The following NME8 variants were observed in gnomAD, a reference collection of about 807,000 sequenced individuals.
The protein encoded by NME8 is protein NME8.
In NME8, 72 loss-of-function variants were observed where a neutral mutation model predicts 82.3. The observed-to-expected ratio is 0.87, with a 90% CI of 0.72 to 1.06. NME8 has a LOEUF of 1.06. Ranked by LOEUF, NME8 falls within the 50% of genes least tolerant of loss-of-function variation. The pLI is 0.00. For synonymous variants in NME8, 267 were observed against 228.5 expected, an observed-to-expected ratio of 1.17 and a Z score of -1.52; for missense variants, 712 against 685.4, an observed-to-expected ratio of 1.04 and a Z score of -0.43.
chr7:37,888,556 C>A, intron 15 of NME8, 128 bp downstream of exon 15: 1 of 751,630 alleles, frequency 1.3e-6, no homozygotes. Context: ...GCGATGAGTA[C>A]TCCTATCCTT....
chr7:37,879,634 A>G (rs777936485), intron 12 of NME8, among the ~76,000 whole-genome samples: 8 of 152,210 alleles, frequency 5.3e-5, no homozygotes, highest in Non-Finnish European at 8.8e-5. Flanking sequence ...GTTTTCAGCC[A>G]TTATGAAGAA....
At chr7:37,866,029 C>A (rs1784670827) in intron 10 of NME8, among the ~76,000 whole-genome samples, 1 of 151,966 alleles carries the variant, frequency 6.6e-6, no homozygotes, top group South Asian at 2.1e-4. Flanking sequence ...TGCCCCGACC[C>A]CAACTGCCCC....
chr7:37,886,138 A>G (rs1025999137), intron 14 of NME8, among the ~76,000 whole-genome samples: 3 of 152,202 alleles, frequency 2.0e-5, no homozygotes, highest in African/African-American at 7.2e-5. Context: ...CTACTCAATT[A>G]TGTCTTTGCT....
chr7:37,890,523 A>C (rs889014575), intron 15 of NME8, among the ~76,000 whole-genome samples: 1 of 151,880 alleles, frequency 6.6e-6, no homozygotes. Context: ...CCTACTATGC[A>C]TTAGAACACC....
At chr7:37,887,797 G>A (rs887408983) in intron 14 of NME8, among the ~76,000 whole-genome samples, 2 of 152,166 alleles carry the variant, frequency 1.3e-5, no homozygotes, top group African/African-American at 2.4e-5. Context: ...TCTTCACAGG[G>A]TGGCAGGAGA....
At chr7:37,896,721 G>T in intron 16 of NME8, 149 bp from the exon 17 acceptor site, 1 of 692,714 alleles carries the variant, frequency 1.4e-6, no homozygotes, top group Admixed American at 2.4e-5. Context: ...AGGGAGAAAT[G>T]AAAAAAAGAA....
At chr7:37,884,215 G>A (rs1562839214) in intron 12 of NME8, 88 bp from the exon 13 acceptor site, 12 of 931,432 alleles carry the variant, frequency 1.3e-5, no homozygotes, top group Admixed American at 9.4e-5. Flanking sequence ...AAAGTGCATT[G>A]TATGCCCTCA....
chr7:37,857,922 C>G (rs547892189), intron 6 of NME8, among the ~76,000 whole-genome samples: 20 of 152,264 alleles, frequency 1.3e-4, no homozygotes, highest in African/African-American at 4.6e-4. Context: ...AGAGGCCAGG[C>G]ATAGTGGCTA....
At chr7:37,886,913 T>C (rs2598010) in intron 14 of NME8, among the ~76,000 whole-genome samples, 70,921 of 150,988 alleles carry the variant, frequency 0.47, 17,047 homozygotes, top group East Asian at 0.74. Flanking sequence ...TCATTGAGAC[T>C]AGAGAGAAAA....
chr7:37,873,489 A>T (rs1784802705), intron 11 of NME8, among the ~76,000 whole-genome samples: 2 of 150,208 alleles, frequency 1.3e-5, no homozygotes, highest in South Asian at 4.1e-4. Flanking sequence ...TTTAATTAAT[A>T]TTTTTAACAA....
At position 37,850,403 on chromosome 7, in the gene NME8, G is replaced by T; in HGVS notation, c.59G>T (p.Trp20Leu). 1.2e-6 allele frequency: 2 copies of T among 1,614,080 alleles called. No individual in the cohort carries two copies. The highest frequency in any genetic ancestry group is 1.7e-6 in the Non-Finnish European group (2 of 1,179,994). Residue 20 changes from tryptophan to leucine, a missense_variant, in exon 4 of 18, where the codon TGG becomes TTG. Coordinates refer to ENST00000199447, the MANE Select transcript of NME8 (RefSeq NM_016616.5). Reference protein sequence around the residue: ...LQTVINNQSLWDEMLQNKGLT... With the variant: ...LQTVINNQSLLDEMLQNKGLT... ...ACAGTCATCAATAATCAAAGCCTGT[G>T]GGATGAGATGTTGCAGAACAAAGGC...
rs911710068 is a variant in NME8 at position 37,872,031 on chromosome 7, A to C, written c.818+4133A>C. ...CTGTTCAGGTCCCTAGGGCAGGAGA[A>C]GATGAGGGTGGTGTGGTGTTTTCTC... On this transcript the variant is annotated intron_variant, in intron 11 of 17. Transcript: ENST00000199447. 2.0e-5 allele frequency among the ~76,000 whole-genome samples: 3 copies of C among 152,140 alleles called. No homozygotes were observed. In the South Asian group the frequency reaches 6.2e-4, roughly 32 times the overall value.
At chr7:37,892,528 C>T (rs1785144983) in intron 15 of NME8, among the ~76,000 whole-genome samples, 1 of 151,816 alleles carries the variant, frequency 6.6e-6, no homozygotes, top group Non-Finnish European at 1.5e-5. Flanking sequence ...CACACACACA[C>T]CTACATACAC....
chr7:37,855,664 T>G (rs1468377620), intron 5 of NME8, among the ~76,000 whole-genome samples: 1 of 152,210 alleles, frequency 6.6e-6, no homozygotes, highest in Non-Finnish European at 1.5e-5. Context: ...TATGTTAATA[T>G]TTTTTAACCT....
intron 9 of NME8, 90 bp from the exon 10 acceptor site, chr7:37,865,435 C>T: frequency 1.2e-6 from 1 of 828,726 alleles, no homozygotes; most frequent in Non-Finnish European, 2.1e-6. Context: ...GTATTGAAAG[C>T]TGGTGGTTTG....
At chr7:37,871,514 T>A (rs1313904732) in intron 11 of NME8, among the ~76,000 whole-genome samples, 5 of 152,196 alleles carry the variant, frequency 3.3e-5, no homozygotes, top group Non-Finnish European at 5.9e-5. Context: ...GTCACACAGG[T>A]AGTAACTGGC....
At chr7:37,874,277 GA>G (rs1282141457) in intron 11 of NME8, among the ~76,000 whole-genome samples, 1 of 152,130 alleles carries the variant, frequency 6.6e-6, no homozygotes, top group Non-Finnish European at 1.5e-5. Flanking sequence ...AAGGACTCTA[GA>G]AATAGAAGAA....
intron 17 of NME8, among the ~76,000 whole-genome samples, chr7:37,899,990 G>A (rs557434754): frequency 2.0e-5 from 3 of 152,200 alleles, no homozygotes; most frequent in South Asian, 2.1e-4. Context: ...ATCCTTGAAC[G>A]GGTTGGGTAG....
At chr7:37,892,490 ATTAT>A (rs895163399) in intron 15 of NME8, among the ~76,000 whole-genome samples, 25 of 151,728 alleles carry the variant, frequency 1.6e-4, no homozygotes, top group Non-Finnish European at 3.4e-4. Flanking sequence ...AGTAATATAT[ATTAT>A]TTAATTATAT....
Sources: gnomAD v4.1 joint callset for allele counts (sites outside exome capture counted in the v4.1 genomes callset) on GRCh38, gnomAD v4.1.1 for gene constraint, MANE v1.5 for transcripts, NCBI Gene and HGNC (gene_info 2026-07-23, HGNC 2026-07-21) for gene names.